Variants in ATG4A observed in about 807,000 individuals in gnomAD.
ATG4A encodes cysteine protease ATG4A.
Under a neutral mutation model 38.4 loss-of-function variants are expected in ATG4A, and 22 were observed. That is an observed-to-expected ratio of 0.57 (90% confidence interval 0.41 to 0.82). The LOEUF (loss-of-function observed/expected upper bound fraction) is 0.82. Ranked by LOEUF, ATG4A falls within the 40% of genes least tolerant of loss-of-function variation. ATG4A has a pLI of 0.00. For synonymous variants in ATG4A, 86 were observed against 100.7 expected (o/e 0.85, Z 0.88); for missense variants, 220 against 290.0 (o/e 0.76, Z 1.75).
At chrX:108,133,387 A>T (rs1388765873) in intron 4 of ATG4A, among the ~76,000 whole-genome samples, 1 of 112,625 alleles carries the variant, frequency 8.9e-6, no homozygotes, top group Non-Finnish European at 1.9e-5. Context: ...GCTGTGCTGA[A>T]GGCACAGATG....
At chrX:108,141,031 C>CATATATACAT (rs1408109794) in intron 9 of ATG4A, among the ~76,000 whole-genome samples, 3 of 54,438 alleles carry the variant, frequency 5.5e-5, no homozygotes, top group Non-Finnish European at 9.1e-5. Flanking sequence ...CATATATATA[C>CATATATACAT]ATATATACAT....
intron 9 of ATG4A, among the ~76,000 whole-genome samples, chrX:108,138,599 G>T (rs1040070216): frequency 3.6e-5 from 4 of 111,804 alleles, no homozygotes; most frequent in Non-Finnish European, 7.5e-5. Context: ...GGAATTGGAG[G>T]AGGCAAAGAC....
chrX:108,101,538 C>G (rs1210290718), intron 1 of ATG4A, among the ~76,000 whole-genome samples: 1 of 109,446 alleles, frequency 9.1e-6, no homozygotes, highest in Non-Finnish European at 1.9e-5. Flanking sequence ...GAATTTCCAT[C>G]TCAGCACTGC....
intron 1 of ATG4A, among the ~76,000 whole-genome samples, chrX:108,103,670 C>T (rs768905041): frequency 3.6e-4 from 40 of 111,477 alleles, no homozygotes; most frequent in Non-Finnish European, 5.5e-4. Flanking sequence ...TTTGACATTA[C>T]CATGGAACTT....
At chrX:108,103,798 A>G (rs976410340) in intron 1 of ATG4A, among the ~76,000 whole-genome samples, 4 of 112,422 alleles carry the variant, frequency 3.6e-5, no homozygotes, top group African/African-American at 1.3e-4. Context: ...GATGTCACAA[A>G]TTACATTTTT....
At chrX:108,106,674 T>C (rs1207113993) in intron 1 of ATG4A, among the ~76,000 whole-genome samples, 1 of 112,331 alleles carries the variant, frequency 8.9e-6, no homozygotes, top group Non-Finnish European at 1.9e-5. Context: ...AAATTTAGAT[T>C]GACAGTTCTT....
At chrX:108,139,491 G>GA (rs913519102) in intron 9 of ATG4A, among the ~76,000 whole-genome samples, 4 of 111,986 alleles carry the variant, frequency 3.6e-5, no homozygotes, top group African/African-American at 6.5e-5. Context: ...GGGGCGTGGG[G>GA]ATTGCACAGC....
chrX:108,104,970 A>T (rs2032129138), intron 1 of ATG4A, among the ~76,000 whole-genome samples: 1 of 106,542 alleles, frequency 9.4e-6, no homozygotes, highest in African/African-American at 3.4e-5. Context: ...TCAGCTCTAA[A>T]TTTCTGTTTG....
intron 9 of ATG4A, among the ~76,000 whole-genome samples, chrX:108,142,736 C>T (rs2033335095): frequency 9.0e-6 from 1 of 110,781 alleles, no homozygotes; most frequent in Admixed American, 9.6e-5. Flanking sequence ...ATTTTTCTGC[C>T]TGCCACCCTG....
At chrX:108,126,510 G>A (rs763838761) in intron 2 of ATG4A, among the ~76,000 whole-genome samples, 1 of 111,805 alleles carries the variant, frequency 8.9e-6, no homozygotes, top group South Asian at 3.7e-4. Context: ...CAAAAAACAC[G>A]GACCCACTCC....
chrX:108,139,484 G>A (rs911869356), intron 9 of ATG4A, among the ~76,000 whole-genome samples: 2 of 111,994 alleles, frequency 1.8e-5, no homozygotes, highest in African/African-American at 6.5e-5. Context: ...GTGGAGCGGG[G>A]CGTGGGGATT....
chrX:108,152,387 C>T (rs1476557286), intron 11 of ATG4A, among the ~76,000 whole-genome samples: 6 of 110,668 alleles, frequency 5.4e-5, no homozygotes, highest in Admixed American at 1.9e-4. Flanking sequence ...GCGCCCACCA[C>T]CACGCCCAGC....
rs772289790 is a variant in ATG4A at position 108,130,384 on chromosome X, G to A, written c.194-876G>A. On this transcript the variant is annotated intron_variant, in intron 3 of 12. Transcript: ENST00000372232. ...TGATTTCATTGGCCCCTTGGAAAAG[G>A]ATATTGAGCTCACCCTGGCCTCAAA... 3.6e-5 allele frequency among the ~76,000 whole-genome samples: 4 copies of A among 112,523 alleles called. No individual in the cohort carries two copies. In the East Asian group the frequency reaches 1.1e-3, roughly 31 times the overall value.
At chrX:108,146,906 T>C (rs2033438996) in intron 9 of ATG4A, among the ~76,000 whole-genome samples, 1 of 112,270 alleles carries the variant, frequency 8.9e-6, no homozygotes, top group Admixed American at 9.4e-5. Context: ...TCTAACATAG[T>C]GGGCCCAAAT....
intron 4 of ATG4A, among the ~76,000 whole-genome samples, chrX:108,133,192 G>A (rs975229938): frequency 8.9e-6 from 1 of 112,404 alleles, no homozygotes; most frequent in African/African-American, 3.2e-5. Context: ...GGCTTCAAGT[G>A]TAGTTCAGTC....
rs915922811 is a variant in ATG4A, at chrX:108,153,393, C to T, written c.1127-249C>T. ...GAGGCCATCGATAATTCAAAGGTATCTTGAAGGGCTTTCAGAGCCTTGGCC... is the reference window on the plus strand; with the variant it reads ...GAGGCCATCGATAATTCAAAGGTATTTTGAAGGGCTTTCAGAGCCTTGGCC... On this transcript the variant is annotated intron_variant, in intron 12 of 12. Transcript: ENST00000372232. Among the ~76,000 whole-genome samples the T allele has an allele frequency of 2.7e-5, 3 of 112,223 alleles. No homozygotes were observed. The South Asian group carries it at 1.1e-3, about 42-fold the overall frequency.
chrX:108,115,182 G>A (rs931054606), intron 1 of ATG4A, among the ~76,000 whole-genome samples: 1 of 108,067 alleles, frequency 9.3e-6, no homozygotes, highest in Non-Finnish European at 1.9e-5. Flanking sequence ...TCAGAACTAT[G>A]TTTCTGCTTC....
chrX:108,142,897 T>G (rs1168408331), intron 9 of ATG4A, among the ~76,000 whole-genome samples: 2 of 111,519 alleles, frequency 1.8e-5, no homozygotes, highest in Admixed American at 1.9e-4. Context: ...TGACACTCAG[T>G]ATTAGCCATC....
In ATG4A at chrX:108,097,033, A is replaced by G. The variant is rs1384341775; in HGVS notation, c.10+5197A>G. On this transcript the variant is annotated intron_variant, in intron 1 of 12. Transcript: ENST00000372232. ...CTTCTAGGCTTGAAGAATAATGCCAATAATAACTAGCATTTATAGATGACA... is the reference window on the plus strand; with the variant it reads ...CTTCTAGGCTTGAAGAATAATGCCAGTAATAACTAGCATTTATAGATGACA... Among the ~76,000 whole-genome samples, 17 of 111,964 alleles carry G rather than the reference A, an allele frequency of 1.5e-4. No homozygotes were observed. The Admixed American group carries it at 1.6e-3, about 11-fold the overall frequency.
Sources: gnomAD v4.1 joint callset for allele counts (sites outside exome capture counted in the v4.1 genomes callset) on GRCh38, gnomAD v4.1.1 for gene constraint, MANE v1.5 for transcripts, NCBI Gene and HGNC (gene_info 2026-07-23, HGNC 2026-07-21) for gene names.